The following MYO5A variants were observed in gnomAD, a reference collection of about 807,000 sequenced individuals.
The protein encoded by MYO5A is myosin VA.
In MYO5A, 98 loss-of-function variants were observed where a neutral mutation model predicts 249.7. The ratio of observed to expected loss-of-function variants is 0.39; its 90% CI spans 0.33 to 0.46. The LOEUF (loss-of-function observed/expected upper bound fraction) is 0.46. Ranked by LOEUF, MYO5A falls within the 20% of genes least tolerant of loss-of-function variation. MYO5A has a pLI of 0.98. For synonymous variants in MYO5A, 778 were observed against 810.6 expected (o/e 0.96, Z 0.68); for missense variants, 1,696 against 2,308.8 (o/e 0.73, Z 5.44).
chr15:52,393,486 C>T (rs11854886), intron 11 of MYO5A, among the ~76,000 whole-genome samples: 22,530 of 151,886 alleles, frequency 0.15, 1,783 homozygotes, highest in Middle Eastern at 0.22. Flanking sequence ...CTCCACCTCC[C>T]GGGTTCAAGC....
In MYO5A at chr15:52,490,438, G is replaced by A. The variant is rs189332537; in HGVS notation, c.27+38342C>T. 5.9e-5 allele frequency among the ~76,000 whole-genome samples: 9 copies of A among 152,220 alleles called. No homozygotes were observed. In the East Asian group the frequency reaches 1.5e-3, roughly 26 times the overall value. Reference sequence around the variant, plus strand: ...AGAAGGAAATTCTGAAAGATGTCACGACATGGATGAACCTTGAGGAAATTC... The same window carrying A: ...AGAAGGAAATTCTGAAAGATGTCACAACATGGATGAACCTTGAGGAAATTC... On this transcript the variant is annotated intron_variant, in intron 1 of 41. Transcript: ENST00000399233.
chr15:52,437,848 A>C (rs1321617872), intron 1 of MYO5A, among the ~76,000 whole-genome samples: 1 of 152,214 alleles, frequency 6.6e-6, no homozygotes, highest in African/African-American at 2.4e-5. Flanking sequence ...CCAGATTTCC[A>C]AGGGCTAGAT....
At chr15:52,513,538 A>G (rs1006351307) in intron 1 of MYO5A, among the ~76,000 whole-genome samples, 4 of 150,192 alleles carry the variant, frequency 2.7e-5, no homozygotes, top group Admixed American at 1.3e-4. Context: ...GATTCTCCTG[A>G]CTCAGCGTCC....
intron 10 of MYO5A, 54 bp downstream of exon 10, chr15:52,397,147 A>G (rs1228977599): frequency 2.5e-6 from 4 of 1,593,390 alleles, no homozygotes; most frequent in Admixed American, 3.3e-5. Flanking sequence ...GAGTTACTAG[A>G]TAAGTTCTAG....
chr15:52,323,640 T>C (rs531928732), intron 36 of MYO5A, 196 bp from the exon 37 acceptor site: 1 of 509,276 alleles, frequency 2.0e-6, no homozygotes. Flanking sequence ...GTTTGTTGCT[T>C]TGCTTGCCAT....
intron 1 of MYO5A, among the ~76,000 whole-genome samples, chr15:52,434,246 C>A (rs2075611636): frequency 6.6e-6 from 1 of 152,044 alleles, no homozygotes; most frequent in Non-Finnish European, 1.5e-5. Flanking sequence ...GACCCACCTG[C>A]CTCAGCCTCC....
intron 16 of MYO5A, among the ~76,000 whole-genome samples, chr15:52,381,499 G>C (rs2041736318): frequency 6.6e-6 from 1 of 152,104 alleles, no homozygotes; most frequent in Non-Finnish European, 1.5e-5. Flanking sequence ...TCCACTTCTA[G>C]AGTCACATTA....
At chr15:52,450,844 T>TA (rs1491404155) in intron 1 of MYO5A, among the ~76,000 whole-genome samples, 5 of 14,236 alleles carry the variant, frequency 3.5e-4, no homozygotes, top group Non-Finnish European at 1.2e-3. Flanking sequence ...ACTACTGTGG[T>TA]TTTTTTTTTT....
intron 1 of MYO5A, among the ~76,000 whole-genome samples, chr15:52,486,031 T>C (rs1395494644): frequency 6.6e-6 from 1 of 152,220 alleles, no homozygotes; most frequent in Non-Finnish European, 1.5e-5. Context: ...AGTAAACGTT[T>C]TCATTTTTAT....
intron 1 of MYO5A, among the ~76,000 whole-genome samples, chr15:52,521,122 G>A (rs143095373): frequency 0.011 from 1,737 of 152,024 alleles, 38 homozygotes; most frequent in African/African-American, 0.04. Context: ...CAGCTACTCG[G>A]GAGGCTGAGG....
At chr15:52,411,642 A>T (rs573273292) in intron 5 of MYO5A, among the ~76,000 whole-genome samples, 1 of 152,344 alleles carries the variant, frequency 6.6e-6, no homozygotes, top group South Asian at 2.1e-4. Context: ...ACTTGTGTAA[A>T]GCCTATGTCA....
rs949820688 is a variant in MYO5A at position 52,307,761 on chromosome 15, TAC to T, written c.*5933_*5934del. On this transcript the variant is annotated 3_prime_UTR_variant, in exon 42 of 42. Transcript: ENST00000399233. ...GGATGTCCATTTCATAGTAAATTAATACAGTTAATAATTAAAATACAATATGT... is the reference window on the plus strand; with the variant it reads ...GGATGTCCATTTCATAGTAAATTAATAGTTAATAATTAAAATACAATATGT... 81 of 152,284 alleles carry T rather than the reference TAC, an allele frequency of 5.3e-4. 1 individual carries two copies. Among genetic ancestry groups the T allele is most frequent in the African/African-American group, 1.7e-3 (72 of 41,576 alleles). The allele number at this position is 152,284 out of a possible 1,614,324, so 9.4% of individuals were successfully genotyped here. A position where few individuals can be genotyped will look rare whatever the true frequency, so the allele number is the denominator to read the frequency against.
At chr15:52,465,865 G>T (rs1392053367) in intron 1 of MYO5A, among the ~76,000 whole-genome samples, 1 of 151,954 alleles carries the variant, frequency 6.6e-6, no homozygotes, top group Non-Finnish European at 1.5e-5. Context: ...GACATGAAAA[G>T]CAATGAGTCC....
chr15:52,438,518 C>G (rs1407076101), intron 1 of MYO5A, among the ~76,000 whole-genome samples: 4 of 152,148 alleles, frequency 2.6e-5, no homozygotes, highest in African/African-American at 4.8e-5. Flanking sequence ...GCTGGATTTC[C>G]TAGGCAGACT....
rs370633150 is a variant in MYO5A, at chr15:52,343,092, T to G, written c.4040+25A>C. 1.6e-3 allele frequency: 2,476 copies of G among 1,580,366 alleles called. 2 individuals are homozygous for G. Among genetic ancestry groups the G allele is most frequent in the Admixed American group, 2.0e-3 (122 of 59,970 alleles). The stretch of plus-strand genomic sequence containing the variant: ...AAGAAAAACAACAAATTAATAACAT[T>G]CCATTTTGAGGAGACAAATATAACC... On this transcript the variant is annotated intron_variant, in intron 31 of 41. Coordinates refer to ENST00000399233, the MANE Select transcript of MYO5A (RefSeq NM_001382347.1).
chr15:52,488,243 T>C (rs1465207123), intron 1 of MYO5A, among the ~76,000 whole-genome samples: 1 of 152,050 alleles, frequency 6.6e-6, no homozygotes, highest in Admixed American at 6.6e-5. Flanking sequence ...ATTTTTGTAA[T>C]CTTTCCTGTG....
chr15:52,349,019 A>G (rs547898439), intron 28 of MYO5A, among the ~76,000 whole-genome samples, 193 bp from the exon 29 acceptor site: 1 of 152,332 alleles, frequency 6.6e-6, no homozygotes, highest in African/African-American at 2.4e-5. Flanking sequence ...AGAGACTAAT[A>G]TATATTTATA....
At chr15:52,392,110 T>A in intron 11 of MYO5A, 40 bp from the exon 12 acceptor site, 1 of 1,582,660 alleles carries the variant, frequency 6.3e-7, no homozygotes, top group Non-Finnish European at 8.6e-7. Flanking sequence ...TACTGGATCA[T>A]TGTAACAAAG....
At chr15:52,393,659 C>T (rs2042359271) in intron 11 of MYO5A, among the ~76,000 whole-genome samples, 1 of 152,146 alleles carries the variant, frequency 6.6e-6, no homozygotes, top group Non-Finnish European at 1.5e-5. Flanking sequence ...TCCCAAAGTG[C>T]CGGAATTACA....
Sources: gnomAD v4.1 joint callset for allele counts (sites outside exome capture counted in the v4.1 genomes callset) on GRCh38, gnomAD v4.1.1 for gene constraint, MANE v1.5 for transcripts, NCBI Gene and HGNC (gene_info 2026-07-23, HGNC 2026-07-21) for gene names.